Variants in MYCBPAP observed in about 807,000 individuals in gnomAD.
MYCBPAP encodes the protein MYCBP-associated protein.
Under a neutral mutation model 106.1 loss-of-function variants are expected in MYCBPAP, and 60 were observed. The ratio of observed to expected loss-of-function variants is 0.57; its 90% CI spans 0.46 to 0.70. The LOEUF is 0.70. MYCBPAP is among the 30% of genes least tolerant of loss of function. The pLI, the probability that MYCBPAP is intolerant of heterozygous loss-of-function variation, is 0.00. For missense variants in MYCBPAP, 1,064 were observed against 1,169.3 expected (o/e 0.91, Z 1.31); for synonymous variants, 407 against 440.6 (o/e 0.92, Z 0.95).
Position 50,519,686 on chromosome 17 carries a change from A to G in MYCBPAP, c.815A>G (p.Asp272Gly), listed in dbSNP as rs2034186085. 1 of 1,613,912 alleles carries G rather than the reference A, an allele frequency of 6.2e-7. No individual in the cohort carries two copies. Among genetic ancestry groups the G allele is most frequent in the African/African-American group, 1.3e-5 (1 of 74,880 alleles). ...TGGAGTCGACTGGAATACTTGGGAG[A>G]TGAGATGACAGGTCTGGTCATGACC... ...GFWSRLEYLG[D>G]EMTGLVMTKT... The change falls in exon 7 of 19, where the codon GAT becomes GGT. Residue 272 changes from aspartate (D) to glycine (G), a missense_variant. Transcript: ENST00000323776.
intron 18 of MYCBPAP, among the ~76,000 whole-genome samples, chr17:50,529,986 G>A (rs1391084072): frequency 6.6e-6 from 1 of 152,192 alleles, no homozygotes; most frequent in Admixed American, 6.5e-5. Flanking sequence ...GTCTATTGGC[G>A]ACGTCTTGCC....
intron 1 of MYCBPAP, chr17:50,515,723 T>C (rs555954892): frequency 3.2e-4 from 48 of 152,338 alleles, no homozygotes; most frequent in African/African-American, 1.1e-3. Flanking sequence ...TTAGTCCAAC[T>C]GACTCTTTCT....
At position 50,516,429 on chromosome 17, in the gene MYCBPAP, C is replaced by A. The variant is rs560547755; in HGVS notation, c.77-141C>A. The A allele has an allele frequency of 2.5e-3, 2,552 of 1,041,460 alleles. 50 individuals carry two copies. In the African/African-American group the frequency reaches 0.038, roughly 15 times the overall value. The allele number at this position is 1,041,460 out of a possible 1,614,324, so 64.5% of individuals were successfully genotyped here. A position where few individuals can be genotyped will look rare whatever the true frequency, so the allele number is the denominator to read the frequency against. On this transcript the variant is annotated intron_variant, in intron 1 of 18. Transcript: ENST00000323776. ...AGTGCTACCCAGGCCACCTTGGCAG[C>A]CTCTGCTATCTATCCAGCTGGTCAG...
chr17:50,513,302 A>G (rs1381574847), intron 1 of MYCBPAP, among the ~76,000 whole-genome samples: 1 of 151,162 alleles, frequency 6.6e-6, no homozygotes, highest in Non-Finnish European at 1.5e-5. Flanking sequence ...CAGGAGAATC[A>G]CTTGAGCCCG....
chr17:50,529,804 C>T (rs970610650), intron 18 of MYCBPAP: 5 of 456,674 alleles, frequency 1.1e-5, no homozygotes, highest in South Asian at 1.5e-5. Context: ...GAACACCATG[C>T]AGGGTGCATT....
intron 10 of MYCBPAP, 51 bp downstream of exon 10, chr17:50,522,132 G>C: frequency 1.4e-5 from 20 of 1,452,918 alleles, no homozygotes; most frequent in Non-Finnish European, 1.6e-5. Flanking sequence ...CAGGGGTGCA[G>C]CCCTGAGGTG....
chr17:50,518,500 C>T (rs770814947), intron 4 of MYCBPAP, 41 bp from the exon 5 acceptor site: 9 of 1,508,786 alleles, frequency 6.0e-6, no homozygotes, highest in South Asian at 1.3e-5. Context: ...CTGCCCAGAG[C>T]CTTCTTACTG....
chr17:50,524,837 T>C lies in MYCBPAP; in HGVS notation c.1636-40T>C, dbSNP rs747940555. The C allele has an allele frequency of 3.1e-6, 5 of 1,601,938 alleles. No individual in the cohort carries two copies. In the South Asian group the frequency reaches 4.5e-5, roughly 14 times the overall value. On this transcript the variant is annotated intron_variant, in intron 12 of 18. Transcript: ENST00000323776. ...TTCCTGAAGGATGCATTGGTTTTGA[T>C]AGCCTGGGCTGCCATCCTCTGCCAC...
At chr17:50,528,317 C>T in intron 16 of MYCBPAP, 47 bp downstream of exon 16, 2 of 1,452,672 alleles carry the variant, frequency 1.4e-6, no homozygotes, top group East Asian at 2.4e-5. Context: ...CCCTCCTCAT[C>T]TCTCTGAATG....
rs770059134 is a variant in MYCBPAP at position 50,522,095 on chromosome 17, C to T, written c.1257+14C>T. 1.9e-6 allele frequency: 3 copies of T among 1,604,040 alleles called. No individual in the cohort carries two copies. Among genetic ancestry groups the T allele is most frequent in the East Asian group, 2.2e-5 (1 of 44,724 alleles). On this transcript the variant is annotated intron_variant, in intron 10 of 18. Transcript: ENST00000323776. ...CCACAGGACAAGGTAAAACAGCCTC[C>T]ACCACACCTGCTGGGAGAGCCTCCC...
At chr17:50,512,800 G>A (rs1229430347) in intron 1 of MYCBPAP, among the ~76,000 whole-genome samples, 2 of 152,186 alleles carry the variant, frequency 1.3e-5, no homozygotes, top group African/African-American at 4.8e-5. Context: ...ATCCCTGGGC[G>A]CACTGGCTCA....
At chr17:50,518,218 G>A (rs146589661) in intron 4 of MYCBPAP, among the ~76,000 whole-genome samples, 2 of 152,358 alleles carry the variant, frequency 1.3e-5, no homozygotes, top group East Asian at 3.9e-4. Context: ...AGGCGCTAAG[G>A]GGCCTGGGGC....
intron 6 of MYCBPAP, 49 bp from the exon 7 acceptor site, chr17:50,519,591 T>C: frequency 6.2e-7 from 1 of 1,607,128 alleles, no homozygotes; most frequent in Non-Finnish European, 8.5e-7. Flanking sequence ...TCCACCAGCA[T>C]CTGGCTGAGG....
intron 1 of MYCBPAP, among the ~76,000 whole-genome samples, chr17:50,512,400 A>G (rs971206750): frequency 6.6e-6 from 1 of 152,142 alleles, no homozygotes; most frequent in African/African-American, 2.4e-5. Context: ...TGCCATGCTC[A>G]GCCCTGCCCC....
Position 50,508,657 on chromosome 17 carries a change from A to G in MYCBPAP, c.-18A>G, listed in dbSNP as rs112208856. ...GGCCGGCGGTGCAGGGCAACGTTTC[A>G]TGGTGCCGGGCGGCACCATGAAGTC... is the stretch of plus-strand genomic sequence containing the variant. On this transcript the variant is annotated 5_prime_UTR_variant, in exon 1 of 19. The change abolishes an upstream ATG in the 5' untranslated region. Transcript: ENST00000323776. The G allele has an allele frequency of 1.3e-4, 204 of 1,597,470 alleles. 3 individuals carry two copies. The African/African-American group carries it at 1.7e-3, about 14-fold the overall frequency.
chr17:50,518,975 A>T lies in MYCBPAP; in HGVS notation c.654A>T (p.Glu218Asp). 6.2e-7 allele frequency: 1 copy of T among 1,613,210 alleles called. No individual in the cohort carries two copies. The highest frequency in any genetic ancestry group is 2.2e-5 in the East Asian group (1 of 44,878). The change falls in exon 6 of 19, where the codon GAA becomes GAT. Residue 218 changes from glutamate (E) to aspartate (D), a missense_variant and splice_region_variant. By Grantham distance (45) the Glu-to-Asp change is conservative. Coordinates refer to ENST00000323776, the MANE Select transcript of MYCBPAP (RefSeq NM_032133.6). ...CGGCAATCTTGCCTCTCTCTCTAGA[A>T]CACCTAAAGAAGCCAGTGAGTGAGC... ...LRKKQQEALS[E>D]HLKKPVSELL...
chr17:50,522,598 G>A (rs1172250729), intron 10 of MYCBPAP: 1 of 150,490 alleles, frequency 6.6e-6, no homozygotes, highest in Non-Finnish European at 1.5e-5. Context: ...GAAAGCTGAG[G>A]CAGGAGAATC....
Position 50,508,746 on chromosome 17 carries a change from C to A in MYCBPAP, c.72C>A (p.Val24=). The A allele has an allele frequency of 6.2e-7, 1 of 1,609,266 alleles. No individual in the cohort carries two copies. The highest frequency in any genetic ancestry group is 1.1e-5 in the South Asian group (1 of 90,234). Residue 24 remains valine (V), a synonymous_variant, in exon 1 of 19, where the codon GTC becomes GTA. Transcript: ENST00000323776. The part of the protein sequence containing the change: ...PTRLLEASEN[V]KEKKRAKGPE... Reference sequence around the variant, plus strand: ...GATTATTAGAGGCCTCAGAGAATGTCAAAGGTTGGCGCTGGCTGCCTTGGG... The same window carrying A: ...GATTATTAGAGGCCTCAGAGAATGTAAAAGGTTGGCGCTGGCTGCCTTGGG...
At chr17:50,516,506 T>G (rs1403094046) in intron 1 of MYCBPAP, 64 bp from the exon 2 acceptor site, 1 of 1,544,652 alleles carries the variant, frequency 6.5e-7, no homozygotes, top group East Asian at 2.4e-5. Flanking sequence ...TATTTTTGTA[T>G]GTATATATTG....
Sources: allele counts gnomAD v4.1 joint callset (sites outside exome capture counted in the v4.1 genomes callset), GRCh38; gene constraint gnomAD v4.1.1; transcripts MANE v1.5; gene names NCBI Gene and HGNC (gene_info 2026-07-23, HGNC 2026-07-21).